CACNB2: variants seen among roughly 807,000 people sequenced by gnomAD.
The protein encoded by CACNB2 is voltage-dependent L-type calcium channel subunit beta-2.
In CACNB2, 42 loss-of-function variants were observed where a neutral mutation model predicts 73.3. The observed-to-expected ratio is 0.57, with a 90% confidence interval of 0.45 to 0.74. The LOEUF (loss-of-function observed/expected upper bound fraction) is 0.74. CACNB2 is among the 30% of genes least tolerant of loss of function. The pLI is 0.00. For missense variants in CACNB2, 940 were observed against 853.0 expected, an observed-to-expected ratio of 1.10 and a Z score of -1.27; for synonymous variants, 348 against 310.3, an observed-to-expected ratio of 1.12 and a Z score of -1.28.
chr10:18,278,468 G>A (rs10741019), intron 2 of CACNB2, among the ~76,000 whole-genome samples: 95,982 of 151,916 alleles, frequency 0.63, 30,635 homozygotes, highest in East Asian at 0.95. Context: ...ACAGTCTTAT[G>A]TATTCCCCAG....
intron 2 of CACNB2, among the ~76,000 whole-genome samples, chr10:18,155,788 C>A (rs2031992894): frequency 1.3e-5 from 2 of 151,424 alleles, no homozygotes; most frequent in South Asian, 4.2e-4. Context: ...GTATTAATAC[C>A]CATTTTTCTG....
intron 2 of CACNB2, among the ~76,000 whole-genome samples, chr10:18,248,025 T>C (rs1410706285): frequency 6.6e-6 from 1 of 152,182 alleles, no homozygotes; most frequent in Non-Finnish European, 1.5e-5. Flanking sequence ...CCTAATCACC[T>C]CCCAAAGGCC....
chr10:18,216,567 T>G (rs1355344211), intron 2 of CACNB2, among the ~76,000 whole-genome samples: 1 of 148,794 alleles, frequency 6.7e-6, no homozygotes. Context: ...TTCGGTGGTT[T>G]ATAGACACTT....
chr10:18,442,622 C>G (rs1256732937), intron 3 of CACNB2, among the ~76,000 whole-genome samples: 1 of 151,198 alleles, frequency 6.6e-6, no homozygotes, highest in Non-Finnish European at 1.5e-5. Context: ...GTCAAGATAT[C>G]AAGACCATCC....
chr10:18,221,692 A>G (rs2035798833), intron 2 of CACNB2, among the ~76,000 whole-genome samples: 1 of 152,206 alleles, frequency 6.6e-6, no homozygotes, highest in Non-Finnish European at 1.5e-5. Flanking sequence ...ATAAAAGTAA[A>G]AAATGAAAAC....
At chr10:18,248,143 T>C (rs765448837) in intron 2 of CACNB2, among the ~76,000 whole-genome samples, 20 of 152,314 alleles carry the variant, frequency 1.3e-4, no homozygotes, top group Non-Finnish European at 2.8e-4. Context: ...GAAATTGAAA[T>C]CCACAAACTT....
At chr10:18,498,965 C>T in intron 4 of CACNB2, among the ~76,000 whole-genome samples, 1 of 152,080 alleles carries the variant, frequency 6.6e-6, no homozygotes, top group East Asian at 1.9e-4. Flanking sequence ...TAAGAATTGA[C>T]ACCAATAAGG....
At chr10:18,296,637 T>C (rs2039291600) in intron 2 of CACNB2, among the ~76,000 whole-genome samples, 2 of 152,168 alleles carry the variant, frequency 1.3e-5, no homozygotes, top group African/African-American at 4.8e-5. Flanking sequence ...CGATTATATT[T>C]AATATTCAAA....
intron 2 of CACNB2, among the ~76,000 whole-genome samples, chr10:18,275,872 G>A (rs1464500260): frequency 6.6e-6 from 1 of 152,084 alleles, no homozygotes; most frequent in Admixed American, 6.5e-5. Flanking sequence ...TTTTGAAGTA[G>A]GACTTTACTA....
intron 1 of CACNB2, among the ~76,000 whole-genome samples, chr10:18,142,411 A>G (rs968024002): frequency 6.6e-6 from 1 of 152,204 alleles, no homozygotes; most frequent in Non-Finnish European, 1.5e-5. Context: ...TTTAACCAAT[A>G]GAGTTTGCAT....
At position 18,301,999 on chromosome 10, in the gene CACNB2, C is replaced by G. The variant is rs556965089; in HGVS notation, c.214-99925C>G. ...TGAATATGTCACACTTCCTGGAACC[C>G]AAGAAAATAACCCAAATTATGCATT... On this transcript the variant is annotated intron_variant, in intron 2 of 13. Coordinates refer to ENST00000324631, the MANE Select transcript of CACNB2 (RefSeq NM_201596.3). Among the ~76,000 whole-genome samples the G allele has an allele frequency of 6.0e-4, 91 of 151,968 alleles. 1 individual carries two copies. Among genetic ancestry groups the G allele is most frequent in the South Asian group, 2.3e-3 (11 of 4,800 alleles).
chr10:18,488,050 C>A (rs2049163471), intron 3 of CACNB2, among the ~76,000 whole-genome samples: 1 of 151,166 alleles, frequency 6.6e-6, no homozygotes. Flanking sequence ...CTCAGGTGGT[C>A]CGCTTGCCTC....
intron 2 of CACNB2, among the ~76,000 whole-genome samples, chr10:18,207,808 T>C (rs1247854041): frequency 6.6e-6 from 1 of 152,214 alleles, no homozygotes; most frequent in African/African-American, 2.4e-5. Flanking sequence ...AAAAGCATCA[T>C]ATTGTATACT....
chr10:18,325,595 CTCTG>C (rs1448958367), intron 2 of CACNB2, among the ~76,000 whole-genome samples: 6 of 149,610 alleles, frequency 4.0e-5, no homozygotes, highest in East Asian at 1.9e-4. Flanking sequence ...TTCTCTCTTT[CTCTG>C]TCTTTTTTCT....
intron 2 of CACNB2, among the ~76,000 whole-genome samples, chr10:18,192,673 C>T (rs2034455910): frequency 6.6e-6 from 1 of 152,202 alleles, no homozygotes; most frequent in African/African-American, 2.4e-5. Flanking sequence ...CTGGCAACCA[C>T]CAATCTGTGT....
chr10:18,536,730 C>T (rs180825822), intron 12 of CACNB2, among the ~76,000 whole-genome samples: 10 of 152,276 alleles, frequency 6.6e-5, no homozygotes, highest in South Asian at 6.2e-4. Context: ...CAAAAGCTTC[C>T]GTACATCCTG....
intron 2 of CACNB2, among the ~76,000 whole-genome samples, chr10:18,185,166 T>A (rs1393761167): frequency 6.6e-6 from 1 of 152,054 alleles, no homozygotes. Flanking sequence ...ACCTTGACGG[T>A]TTTGAAGATT....
intron 2 of CACNB2, among the ~76,000 whole-genome samples, chr10:18,285,922 C>T (rs1161178822): frequency 2.0e-5 from 3 of 152,072 alleles, no homozygotes; most frequent in South Asian, 2.1e-4. Context: ...GTGAAGCCTA[C>T]GGAAGTCTTT....
At position 18,174,388 on chromosome 10, in the gene CACNB2, CTTTCTT is replaced by C. The variant is rs1564316772; in HGVS notation, c.213+23415_213+23420del. ...TTTTCTTTCTTTCTCTTTTTCTTTT[CTTTCTT>C]TCTCTCTTTCTTTCCTTCTTTCCTT... On this transcript the variant is annotated intron_variant, in intron 2 of 13. Coordinates refer to ENST00000324631, the MANE Select transcript of CACNB2 (RefSeq NM_201596.3). 1.8e-4 allele frequency among the ~76,000 whole-genome samples: 22 copies of C among 122,840 alleles called. No individual in the cohort carries two copies. In the East Asian group the frequency reaches 3.0e-3, roughly 17 times the overall value. 80.6% of individuals were successfully genotyped at this position (122,840 alleles called of 152,430 possible). A position where few individuals can be genotyped will look rare whatever the true frequency, so the allele number is the denominator to read the frequency against.
Sources: gnomAD v4.1 joint callset for allele counts (sites outside exome capture counted in the v4.1 genomes callset) on GRCh38, gnomAD v4.1.1 for gene constraint, MANE v1.5 for transcripts, NCBI Gene and HGNC (gene_info 2026-07-23, HGNC 2026-07-21) for gene names.